The following TULP1 variants were observed in gnomAD, a reference collection of about 807,000 sequenced individuals.
TULP1 encodes TUB like protein 1, also known as tubby-related protein 1.
Under a neutral mutation model 67.1 loss-of-function variants are expected in TULP1, and 50 were observed. The ratio of observed to expected loss-of-function variants is 0.75; its 90% CI spans 0.59 to 0.94. The LOEUF is 0.94. Among genes scored for constraint, TULP1 ranks in the 40% least tolerant of loss-of-function variants. The pLI is 0.00. For synonymous variants in TULP1, 297 were observed against 294.0 expected, an observed-to-expected ratio of 1.01 and a Z score of -0.11; for missense variants, 746 against 734.1, an observed-to-expected ratio of 1.02 and a Z score of -0.19.
At position 35,497,989 on chromosome 6, in the gene TULP1, G is replaced by C. The variant is rs574332142; in HGVS notation, c.*338C>G. On this transcript the variant is annotated 3_prime_UTR_variant, in exon 15 of 15. Coordinates refer to ENST00000229771, the MANE Select transcript of TULP1 (RefSeq NM_003322.6). ...CGGAGCCCTAGCGCGGTCCCGGGGA[G>C]AGGGGAGGTTAAAACAACAATGACT... 3.6e-5 allele frequency: 16 copies of C among 448,254 alleles called. No individual in the cohort carries two copies. The South Asian group carries it at 3.8e-4, about 11-fold the overall frequency. 27.8% of individuals were successfully genotyped at this position (448,254 alleles called of 1,614,324 possible).
chr6:35,512,841 T>C lies in TULP1; in HGVS notation c.18A>G (p.Glu6=), dbSNP rs1263903203. The change falls in exon 1 of 15, where the codon GAA becomes GAG. Residue 6 remains glutamate, a synonymous_variant. Transcript: ENST00000229771. ...CAGAGGCCCACACCTCTCGGAGGGT[T>C]TCATCCCGCAGAGGCATGGTGCCTT... MPLRD[E]TLREVWASDS... The C allele has an allele frequency of 6.2e-7, 1 of 1,612,644 alleles. No homozygotes were observed.
chr6:35,505,716 C>A, intron 11 of TULP1, 25 bp downstream of exon 11: 1 of 1,613,404 alleles, frequency 6.2e-7, no homozygotes, highest in South Asian at 1.1e-5. Flanking sequence ...CCAAGTCCCC[C>A]CAGCCCCAGG....
chr6:35,511,895 C>A, intron 3 of TULP1, 89 bp from the exon 4 acceptor site: 1 of 1,390,882 alleles, frequency 7.2e-7, no homozygotes, highest in Non-Finnish European at 9.5e-7. Context: ...CTGGGCGCAC[C>A]CCCTCGGGCT....
chr6:35,512,885 C>G lies in TULP1; in HGVS notation c.-27G>C, dbSNP rs779320759. On this transcript the variant is annotated 5_prime_UTR_variant, in exon 1 of 15. Transcript: ENST00000229771. Reference sequence around the variant, plus strand: ...GTGCCTTTGCCTATCGCACCCCTTTCTCTGCAGGTCTAGGAGCCTCCCTCC... The same window carrying G: ...GTGCCTTTGCCTATCGCACCCCTTTGTCTGCAGGTCTAGGAGCCTCCCTCC... The G allele has an allele frequency of 3.7e-6, 6 of 1,611,400 alleles. No individual in the cohort carries two copies. The African/African-American group carries it at 8.0e-5, about 22-fold the overall frequency.
rs387906837 is a variant in TULP1, at chr6:35,505,751, C to T, written c.1102G>A (p.Gly368Arg). ...NLSRGGENFI[G>R]KLRSNLLGNR... ...GAAGCCCAGCCCCACCTCAGCTTCC[C>T]GATGAAATTCTCCCCTCCTCGGGAC... Residue 368 changes from glycine to arginine, a missense_variant, in exon 11 of 15, where the codon GGG becomes AGG. Gly to Arg is a moderately radical substitution (Grantham distance 125). Around this residue, in one of 3 missense-constraint regions of TULP1, gnomAD observed 383 missense variants for 374.1 expected, o/e 1.02. Transcript: ENST00000229771. 3.7e-6 allele frequency: 6 copies of T among 1,614,156 alleles called. No homozygotes were observed. The highest frequency in any genetic ancestry group is 1.7e-5 in the Admixed American group (1 of 60,026).
At position 35,511,721 on chromosome 6, in the gene TULP1, G is replaced by A; in HGVS notation, c.276C>T (p.Leu92=). The change falls in exon 4 of 15, where the codon CTC becomes CTT. Residue 92 remains leucine (L), a synonymous_variant. Transcript: ENST00000229771. ...RAPQTVYARF[L]RDPEAKKRDP... is the part of the protein sequence containing the mutation. ...CGCGCTTCTTGGCCTCGGGGTCCCT[G>A]AGGAACCTGGCGTAGACCGTCTGCG... The A allele has an allele frequency of 6.3e-7, 1 of 1,592,700 alleles. No homozygotes were observed. The highest frequency in any genetic ancestry group is 8.5e-7 in the Non-Finnish European group (1 of 1,169,900).
intron 5 of TULP1, 143 bp downstream of exon 5, chr6:35,510,718 A>C (rs1761178929): frequency 1.3e-6 from 2 of 1,578,596 alleles, no homozygotes; most frequent in Non-Finnish European, 1.7e-6. Context: ...CGTGGGGAGA[A>C]ATTATCAGAG....
intron 7 of TULP1, 146 bp downstream of exon 7, chr6:35,509,488 G>T: frequency 9.6e-7 from 1 of 1,040,076 alleles, no homozygotes; most frequent in Non-Finnish European, 1.5e-6. Context: ...TATCAAAGCG[G>T]GGGTCAAGAT....
At chr6:35,501,031 G>A (rs1428892136) in intron 13 of TULP1, among the ~76,000 whole-genome samples, 3 of 152,108 alleles carry the variant, frequency 2.0e-5, no homozygotes, top group Non-Finnish European at 4.4e-5. Context: ...CATTGTAAAT[G>A]AGTAAAATGA....
chr6:35,506,012 C>G lies in TULP1; in HGVS notation c.990G>C (p.Thr330=), dbSNP rs748020118. Residue 330 remains threonine, a synonymous_variant, in exon 10 of 15, where the codon ACG becomes ACC. Coordinates refer to ENST00000229771, the MANE Select transcript of TULP1 (RefSeq NM_003322.6). Reference sequence around the variant, plus strand: ...GCCTCTCCCCACCCACCTTCTTCTCCGTGTCCAGGTGCAGGAAGTAGGAGG... The same window carrying G: ...GCCTCTCCCCACCCACCTTCTTCTCGGTGTCCAGGTGCAGGAAGTAGGAGG... ...MYPSYFLHLD[T]EKKVFLLAGR... is the part of the protein sequence containing the mutation. 2.5e-6 allele frequency: 4 copies of G among 1,614,078 alleles called. No individual in the cohort carries two copies. Among genetic ancestry groups the G allele is most frequent in the Non-Finnish European group, 3.4e-6 (4 of 1,180,028 alleles).
chr6:35,506,528 A>G (rs1002773017), intron 8 of TULP1, among the ~76,000 whole-genome samples: 19 of 152,284 alleles, frequency 1.2e-4, no homozygotes, highest in African/African-American at 4.3e-4. Flanking sequence ...CCACACTGTA[A>G]CTCAATTTTC....
At position 35,502,645 on chromosome 6, in the gene TULP1, C is replaced by T; in HGVS notation, c.1323+914G>A. Among the ~76,000 whole-genome samples the T allele has an allele frequency of 1.3e-5, 2 of 151,922 alleles. 1 individual carries two copies. The highest frequency in any genetic ancestry group is 2.9e-5 in the Non-Finnish European group (2 of 67,988). ...GAGTAAACAGGTGAGATTACAGTTGCCCACTGCCACGCCCGGCTAATTTTT... is the reference window on the plus strand; with the variant it reads ...GAGTAAACAGGTGAGATTACAGTTGTCCACTGCCACGCCCGGCTAATTTTT... On this transcript the variant is annotated intron_variant, in intron 13 of 14. Transcript: ENST00000229771.
At chr6:35,505,476 A>T in intron 11 of TULP1, 1 of 917,748 alleles carries the variant, frequency 1.1e-6, no homozygotes, top group Non-Finnish European at 1.6e-6. Context: ...GCCCTGCTCC[A>T]AGTGAGGCCC....
chr6:35,497,983 C>T lies in TULP1; in HGVS notation c.*344G>A, dbSNP rs1768734104. On this transcript the variant is annotated 3_prime_UTR_variant, in exon 15 of 15. Transcript: ENST00000229771. ...GCTCCTCGGAGCCCTAGCGCGGTCC[C>T]GGGGAGAGGGGAGGTTAAAACAACA... 2.3e-6 allele frequency: 1 copy of T among 432,126 alleles called. No individual in the cohort carries two copies. The highest frequency in any genetic ancestry group is 4.3e-6 in the Non-Finnish European group (1 of 232,850). 26.8% of individuals were successfully genotyped at this position (432,126 alleles called of 1,614,324 possible).
Position 35,500,371 on chromosome 6 carries a change from C to T in TULP1, c.1324-219G>A, listed in dbSNP as rs539231166. Among the ~76,000 whole-genome samples the T allele has an allele frequency of 3.9e-5, 6 of 152,210 alleles. No individual in the cohort carries two copies. The East Asian group carries it at 1.2e-3, about 29-fold the overall frequency. On this transcript the variant is annotated intron_variant, in intron 13 of 14. Transcript: ENST00000229771. Reference sequence around the variant, plus strand: ...GGGCTTTGTCTCTGGGATGTCAAAGCGGAGGGCTGGAAAATGGCAAGGGGC... The same window carrying T: ...GGGCTTTGTCTCTGGGATGTCAAAGTGGAGGGCTGGAAAATGGCAAGGGGC...
chr6:35,501,392 G>A lies in TULP1; in HGVS notation c.1324-1240C>T, dbSNP rs369799680. ...GCCTAGGGTCTCAGCTACATGAGAG[G>A]CTGAGGCAGGAAGCAGCACTGTTTG... On this transcript the variant is annotated intron_variant, in intron 13 of 14. Coordinates refer to ENST00000229771, the MANE Select transcript of TULP1 (RefSeq NM_003322.6). Among the ~76,000 whole-genome samples the A allele has an allele frequency of 1.5e-3, 222 of 151,444 alleles. 1 individual carries two copies. The highest frequency in any genetic ancestry group is 4.9e-3 in the African/African-American group (201 of 41,298).
chr6:35,510,805 C>T (rs1761181011), intron 5 of TULP1, 56 bp downstream of exon 5: 1 of 1,610,532 alleles, frequency 6.2e-7, no homozygotes, highest in Non-Finnish European at 8.5e-7. Context: ...CCAAGCCCTC[C>T]AAGGACAGGG....
intron 8 of TULP1, among the ~76,000 whole-genome samples, chr6:35,508,101 A>G (rs1440833009): frequency 6.6e-6 from 1 of 152,204 alleles, no homozygotes; most frequent in Non-Finnish European, 1.5e-5. Flanking sequence ...GATTACAGGC[A>G]TGAGCCACTT....
chr6:35,503,899 GC>G lies in TULP1; in HGVS notation c.1113-52del. On this transcript the variant is annotated intron_variant, in intron 11 of 14. Coordinates refer to ENST00000229771, the MANE Select transcript of TULP1 (RefSeq NM_003322.6). This position sits in a 1 kb window ranked among gnomAD's most constrained non-coding sequence, Gnocchi z 4.0. ...GGGGCTGAGGGGATCCTACATCCCT[GC>G]CCCAGGCCCCTTCCACACAGCCAAG... The G allele has an allele frequency of 7.1e-7, 1 of 1,407,382 alleles. No homozygotes were observed. The allele number at this position is 1,407,382 out of a possible 1,614,324, so 87.2% of individuals were successfully genotyped here.
Sources: allele counts gnomAD v4.1 joint callset (sites outside exome capture counted in the v4.1 genomes callset), GRCh38; gene constraint gnomAD v4.1.1; regional missense constraint gnomAD v4.1.1; non-coding constraint Gnocchi (gnomAD v3.1); transcripts MANE v1.5; gene names NCBI Gene and HGNC (gene_info 2026-07-23, HGNC 2026-07-21).